PACRG: variants seen among roughly 807,000 people sequenced by gnomAD.
PACRG encodes parkin coregulated gene protein.
Under a neutral mutation model 29.7 loss-of-function variants are expected in PACRG, and 29 were observed. The observed-to-expected ratio is 0.98, with a 90% CI of 0.73 to 1.33. The LOEUF is 1.33. Ranked by LOEUF, PACRG falls within the 40% of genes most tolerant of loss-of-function variation. The probability of loss-of-function intolerance (pLI) is 0.00; values close to 1 mark genes in which losing one functional copy is unlikely to be tolerated. For missense variants in PACRG, 279 were observed against 316.2 expected, an observed-to-expected ratio of 0.88 and a Z score of 0.89; for synonymous variants, 116 against 118.7, an observed-to-expected ratio of 0.98 and a Z score of 0.15.
At chr6:162,933,423 C>T (rs1797996223) in intron 2 of PACRG, among the ~76,000 whole-genome samples, 1 of 152,000 alleles carries the variant, frequency 6.6e-6, no homozygotes, top group Non-Finnish European at 1.5e-5. Flanking sequence ...TTTTTCCAAA[C>T]CTAAAAGTGG....
At chr6:163,112,281 TGG>T (rs1297233118) in intron 4 of PACRG, among the ~76,000 whole-genome samples, 5 of 152,220 alleles carry the variant, frequency 3.3e-5, no homozygotes, top group African/African-American at 1.2e-4. Flanking sequence ...GGTAGCAAAG[TGG>T]CAGCTACCCA....
intron 2 of PACRG, among the ~76,000 whole-genome samples, chr6:163,056,389 A>G (rs1422917448): frequency 6.6e-6 from 1 of 152,242 alleles, no homozygotes; most frequent in East Asian, 1.9e-4. Context: ...AGTGCATTCA[A>G]TAGAACATTA....
In PACRG at chr6:162,794,621, G is replaced by A. The variant is rs140622026; in HGVS notation, c.157-19526G>A. On this transcript the variant is annotated intron_variant, in intron 1 of 4. Coordinates refer to ENST00000366888, the MANE Select transcript of PACRG (RefSeq NM_001080379.2). ...CACACAGAATTGAATTTCATATATG[G>A]TGTGAGACAGAGATACAGTTTTTCT... 6.5e-3 allele frequency among the ~76,000 whole-genome samples: 983 copies of A among 152,134 alleles called. 20 individuals are homozygous for A. Among genetic ancestry groups the A allele is most frequent in the African/African-American group, 0.023 (949 of 41,500 alleles).
intron 4 of PACRG, among the ~76,000 whole-genome samples, chr6:163,307,984 C>T (rs1038531452): frequency 5.3e-5 from 8 of 152,136 alleles, no homozygotes; most frequent in African/African-American, 1.9e-4. Flanking sequence ...TATTCTAAAA[C>T]AGGTAACACT....
chr6:163,232,204 GA>G (rs369950542), intron 4 of PACRG, among the ~76,000 whole-genome samples: 8 of 152,258 alleles, frequency 5.3e-5, no homozygotes, highest in African/African-American at 1.9e-4. Context: ...GAATATTTAT[GA>G]TGAAGAGAAC....
intron 4 of PACRG, among the ~76,000 whole-genome samples, chr6:163,300,941 C>T (rs1562367247): frequency 1.8e-5 from 2 of 110,098 alleles, no homozygotes; most frequent in Admixed American, 1.9e-4. Flanking sequence ...CCACTGCTTC[C>T]CGTGAGTTTA....
intron 2 of PACRG, among the ~76,000 whole-genome samples, chr6:162,931,231 A>T (rs918378560): frequency 6.6e-6 from 1 of 151,846 alleles, no homozygotes; most frequent in Non-Finnish European, 1.5e-5. Flanking sequence ...TCTTTATCAG[A>T]TGTATGCTTT....
At chr6:163,309,957 A>G (rs1229759589) in intron 4 of PACRG, 3 of 152,252 alleles carry the variant, frequency 2.0e-5, no homozygotes, top group African/African-American at 7.2e-5. Flanking sequence ...TCTATTCGGT[A>G]TCAAATGAAC....
intron 4 of PACRG, among the ~76,000 whole-genome samples, chr6:163,266,965 C>T (rs2128177642): frequency 6.6e-6 from 1 of 152,350 alleles, no homozygotes; most frequent in East Asian, 1.9e-4. Flanking sequence ...TGGAACACGT[C>T]TGTCACACAG....
At chr6:162,785,618 C>T (rs970963903) in intron 1 of PACRG, among the ~76,000 whole-genome samples, 2 of 152,128 alleles carry the variant, frequency 1.3e-5, no homozygotes, top group Non-Finnish European at 1.5e-5. Context: ...AGGATGAAAC[C>T]GTTCTACCTT....
At chr6:163,005,968 TTGTTCATAACAGTTATACA>T (rs1461140237) in intron 2 of PACRG, among the ~76,000 whole-genome samples, 4 of 141,972 alleles carry the variant, frequency 2.8e-5, no homozygotes, top group Non-Finnish European at 6.0e-5. Flanking sequence ...GTGTATAACA[TTGTTCATAACAGTTATACA>T]TGTTCTGTGT....
rs1243557694 is a variant in PACRG at position 162,777,738 on chromosome 6, C to A, written c.157-36409C>A. ...AGTTTAATATTAACATATTCTGGAGCATCTTAAGGAAGACAGCCTTATAAC... is the reference window on the plus strand; with the variant it reads ...AGTTTAATATTAACATATTCTGGAGAATCTTAAGGAAGACAGCCTTATAAC... On this transcript the variant is annotated intron_variant, in intron 1 of 4. Coordinates refer to ENST00000366888, the MANE Select transcript of PACRG (RefSeq NM_001080379.2). This position sits in a 1 kb window ranked among gnomAD's most constrained non-coding sequence, Gnocchi z 4.0. Among the ~76,000 whole-genome samples the A allele has an allele frequency of 6.6e-6, 1 of 152,058 alleles. No homozygotes were observed. Among genetic ancestry groups the A allele is most frequent in the Admixed American group, 6.5e-5 (1 of 15,272 alleles).
intron 4 of PACRG, among the ~76,000 whole-genome samples, chr6:163,090,053 G>A (rs368098101): frequency 6.7e-6 from 1 of 149,686 alleles, no homozygotes; most frequent in Non-Finnish European, 1.5e-5. Flanking sequence ...TTGAAGTTCC[G>A]TACTTCTCAC....
chr6:163,287,969 G>A (rs984869344), intron 4 of PACRG, among the ~76,000 whole-genome samples: 1 of 152,142 alleles, frequency 6.6e-6, no homozygotes, highest in African/African-American at 2.4e-5. Context: ...AAAAATTAAG[G>A]AAATGATTTG....
At chr6:163,171,307 G>A (rs551159070) in intron 4 of PACRG, among the ~76,000 whole-genome samples, 38 of 152,312 alleles carry the variant, frequency 2.5e-4, no homozygotes, top group Non-Finnish European at 2.8e-4. Flanking sequence ...AGTCCCAAGA[G>A]AGCATCCCCA....
chr6:163,127,000 G>A (rs554750484), intron 4 of PACRG, among the ~76,000 whole-genome samples: 4 of 152,210 alleles, frequency 2.6e-5, no homozygotes, highest in Non-Finnish European at 5.9e-5. Flanking sequence ...TCATCGCTAA[G>A]TAGCTGGGAA....
intron 4 of PACRG, among the ~76,000 whole-genome samples, chr6:163,160,950 G>T (rs1022433897): frequency 6.6e-6 from 1 of 152,142 alleles, no homozygotes; most frequent in Non-Finnish European, 1.5e-5. Context: ...TTGCTCACAA[G>T]CACTTTATGT....
At chr6:163,105,740 T>C (rs896979936) in intron 4 of PACRG, among the ~76,000 whole-genome samples, 7 of 152,104 alleles carry the variant, frequency 4.6e-5, no homozygotes, top group Non-Finnish European at 8.8e-5. Context: ...ATATCCAACA[T>C]TGTGACGTGA....
intron 1 of PACRG, among the ~76,000 whole-genome samples, chr6:162,782,043 G>A (rs75363928): frequency 0.019 from 2,955 of 151,758 alleles, 51 homozygotes; most frequent in Middle Eastern, 0.034. Context: ...CTATAAAGGC[G>A]CATACAGGTT....
Sources: allele counts gnomAD v4.1 joint callset (sites outside exome capture counted in the v4.1 genomes callset), GRCh38; gene constraint gnomAD v4.1.1; non-coding constraint Gnocchi (gnomAD v3.1); transcripts MANE v1.5; gene names NCBI Gene and HGNC (gene_info 2026-07-23, HGNC 2026-07-21).